The following ANO2 variants were observed in gnomAD, a reference collection of about 807,000 sequenced individuals.
ANO2 encodes anoctamin-2.
Under a neutral mutation model 124.2 loss-of-function variants are expected in ANO2, and 101 were observed. That is an observed-to-expected ratio of 0.81 (90% CI 0.69 to 0.96). The LOEUF (loss-of-function observed/expected upper bound fraction) is 0.96. Among genes scored for constraint, ANO2 ranks in the 40% least tolerant of loss-of-function variants. The probability of loss-of-function intolerance (pLI) is 0.00; values close to 1 mark genes in which losing one functional copy is unlikely to be tolerated. For synonymous variants in ANO2, 486 were observed against 482.5 expected (o/e 1.01, Z -0.09); for missense variants, 1,293 against 1,274.5 (o/e 1.01, Z -0.22).
chr12:5,854,056 A>G lies in ANO2; in HGVS notation c.620T>C (p.Val207Ala). ...AREAEFLKIK[V>A]PTKKMYEIKA... is the part of the protein sequence containing the mutation. ...ACATGCTCATACTTTCTTGGTAGGA[A>G]CTTTGATCTTCAAGAATTCTGCCTC... Residue 207 changes from valine (V) to alanine (A), a missense_variant, in exon 4 of 25, where the codon GTT (valine) becomes GCT (alanine). Val to Ala is a moderately conservative substitution (Grantham distance 64). Transcript: ENST00000682330. 1 of 1,612,872 alleles carries G rather than the reference A, an allele frequency of 6.2e-7. No individual in the cohort carries two copies. Among genetic ancestry groups the G allele is most frequent in the Non-Finnish European group, 8.5e-7 (1 of 1,179,178 alleles).
intron 15 of ANO2, among the ~76,000 whole-genome samples, chr12:5,641,282 G>C (rs910813251): frequency 4.6e-5 from 7 of 152,118 alleles, no homozygotes; most frequent in Non-Finnish European, 2.9e-5. Flanking sequence ...TAAATGACAA[G>C]TTAATGGGTG....
chr12:5,759,679 A>T (rs1464090394), intron 10 of ANO2, among the ~76,000 whole-genome samples: 1 of 150,336 alleles, frequency 6.7e-6, no homozygotes, highest in Non-Finnish European at 1.5e-5. Context: ...TCATCCCAAA[A>T]CTATTCTCCC....
At position 5,628,769 on chromosome 12, in the gene ANO2, G is replaced by A. The variant is rs116334987; in HGVS notation, c.1816+6383C>T. Among the ~76,000 whole-genome samples, 1,205 of 152,302 alleles carry A rather than the reference G, an allele frequency of 7.9e-3. 22 individuals carry two copies. The highest frequency in any genetic ancestry group is 0.027 in the African/African-American group (1,128 of 41,564). On this transcript the variant is annotated intron_variant, in intron 16 of 24. Coordinates refer to ENST00000682330, the MANE Select transcript of ANO2 (RefSeq NM_001364791.2). ...ATGTGTGTGAGATATAGGGTAAGCA[G>A]GGTGTGCATCAATGCACACTCATGC... is the stretch of plus-strand genomic sequence containing the variant.
At chr12:5,627,249 A>G (rs2136926323) in intron 16 of ANO2, among the ~76,000 whole-genome samples, 2 of 152,258 alleles carry the variant, frequency 1.3e-5, no homozygotes, top group South Asian at 4.1e-4. Flanking sequence ...CCCAACAAGC[A>G]TAGAATCCCC....
At chr12:5,659,929 A>G (rs1428540693) in intron 14 of ANO2, among the ~76,000 whole-genome samples, 3 of 152,138 alleles carry the variant, frequency 2.0e-5, no homozygotes, top group Admixed American at 2.0e-4. Context: ...TGATAGTGGT[A>G]CAATGAGTCT....
chr12:5,691,260 G>A (rs573784012), intron 14 of ANO2, among the ~76,000 whole-genome samples: 1 of 149,428 alleles, frequency 6.7e-6, no homozygotes, highest in Admixed American at 6.7e-5. Flanking sequence ...CTTGGGAGGC[G>A]GAGGTTGCAG....
chr12:5,820,622 C>T (rs1023912538), intron 7 of ANO2, among the ~76,000 whole-genome samples: 2 of 152,188 alleles, frequency 1.3e-5, no homozygotes, highest in Admixed American at 1.3e-4. Flanking sequence ...CTGGCTCTAC[C>T]TAGAAAAATA....
At chr12:5,808,311 A>G (rs1448086957) in intron 7 of ANO2, among the ~76,000 whole-genome samples, 9 of 152,300 alleles carry the variant, frequency 5.9e-5, no homozygotes, top group Non-Finnish European at 4.4e-5. Context: ...ACTCCATTAT[A>G]CTCACAACAG....
chr12:5,946,103 T>G (rs142720643), upstream of ANO2: 341 of 1,604,726 alleles, frequency 2.1e-4, 2 homozygotes, highest in African/African-American at 4.0e-3. This position sits in a 1 kb window ranked among gnomAD's most constrained non-coding sequence, Gnocchi z 4.1. Context: ...ACCCCCAAAA[T>G]GAAGAAGTAC....
In ANO2 at chr12:5,721,281, G is replaced by A. The variant is rs573031893; in HGVS notation, c.1545+11239C>T. Among the ~76,000 whole-genome samples, 9 of 152,298 alleles carry A rather than the reference G, an allele frequency of 5.9e-5. No individual in the cohort carries two copies. In the South Asian group the frequency reaches 1.9e-3, roughly 32 times the overall value. On this transcript the variant is annotated intron_variant, in intron 14 of 24. Transcript: ENST00000682330. ...GGGGCAGATGCACTGTAAGGCCCAA[G>A]AGAGAAGTCCGTGGGAGGCCCAAAG...
At position 5,879,021 on chromosome 12, in the gene ANO2, G is replaced by A. The variant is rs571146080; in HGVS notation, c.535-24880C>T. ...ACACTAAAAGTGGGACAGTTGGTGC[G>A]TCTACAAGTGTGGAAGGCCTGCGAG... is the stretch of plus-strand genomic sequence containing the variant. On this transcript the variant is annotated intron_variant, in intron 3 of 24. Coordinates refer to ENST00000682330, the MANE Select transcript of ANO2 (RefSeq NM_001364791.2). Among the ~76,000 whole-genome samples the A allele has an allele frequency of 9.8e-5, 15 of 152,346 alleles. No homozygotes were observed. In the South Asian group the frequency reaches 1.5e-3, roughly 15 times the overall value.
At chr12:5,682,337 TTCTCTC>T (rs3067753) in intron 14 of ANO2, among the ~76,000 whole-genome samples, 18 of 149,556 alleles carry the variant, frequency 1.2e-4, no homozygotes, top group South Asian at 2.1e-4. Flanking sequence ...CTCTTTCTCT[TTCTCTC>T]TCTCTCTCTC....
intron 14 of ANO2, among the ~76,000 whole-genome samples, chr12:5,673,979 C>T (rs1386305046): frequency 6.6e-6 from 1 of 152,212 alleles, no homozygotes; most frequent in Non-Finnish European, 1.5e-5. Context: ...TTACCCACTC[C>T]TCTTCTGGTT....
At chr12:5,765,703 G>A (rs1951870389) in intron 10 of ANO2, among the ~76,000 whole-genome samples, 2 of 152,120 alleles carry the variant, frequency 1.3e-5, no homozygotes, top group Admixed American at 1.3e-4. Context: ...GTTCACTTCT[G>A]GTTATCTCAT....
intron 14 of ANO2, among the ~76,000 whole-genome samples, chr12:5,688,963 G>A (rs1031340566): frequency 6.6e-6 from 1 of 152,104 alleles, no homozygotes; most frequent in African/African-American, 2.4e-5. Flanking sequence ...CTCACTAGGT[G>A]TGAAATGGAG....
chr12:5,722,234 C>T lies in ANO2; in HGVS notation c.1545+10286G>A, dbSNP rs534722341. Among the ~76,000 whole-genome samples the T allele has an allele frequency of 3.0e-4, 45 of 152,252 alleles. No homozygotes were observed. In the East Asian group the frequency reaches 4.3e-3, roughly 14 times the overall value. On this transcript the variant is annotated intron_variant, in intron 14 of 24. Coordinates refer to ENST00000682330, the MANE Select transcript of ANO2 (RefSeq NM_001364791.2). ...TAAAAAACAAAGTACTGGCCGGGCACGGGGGCTCACGCCTGTAATCCCAGC... is the reference window on the plus strand; with the variant it reads ...TAAAAAACAAAGTACTGGCCGGGCATGGGGGCTCACGCCTGTAATCCCAGC...
intron 14 of ANO2, among the ~76,000 whole-genome samples, chr12:5,652,860 T>A (rs140820632): frequency 2.0e-5 from 3 of 152,182 alleles, no homozygotes; most frequent in African/African-American, 7.2e-5. Flanking sequence ...GCAAAGTTTC[T>A]TTTTTTCTCC....
chr12:5,913,472 T>C (rs1941178024), intron 3 of ANO2, among the ~76,000 whole-genome samples: 1 of 152,212 alleles, frequency 6.6e-6, no homozygotes, highest in Non-Finnish European at 1.5e-5. Flanking sequence ...AAAGGAAGAA[T>C]AGGTACTCCG....
At chr12:5,839,468 C>A in intron 4 of ANO2, 1 of 416,236 alleles carries the variant, frequency 2.4e-6, no homozygotes, top group South Asian at 1.8e-5. Flanking sequence ...CTACTCCAGA[C>A]TCACCTAACA....
Sources: allele counts gnomAD v4.1 joint callset (sites outside exome capture counted in the v4.1 genomes callset), GRCh38; gene constraint gnomAD v4.1.1; non-coding constraint Gnocchi (gnomAD v3.1); transcripts MANE v1.5; gene names NCBI Gene and HGNC (gene_info 2026-07-23, HGNC 2026-07-21).